The following GTF2I variants were observed in gnomAD, a reference collection of about 807,000 sequenced individuals.
The protein encoded by GTF2I is general transcription factor II-I.
A neutral mutation model predicts 67.6 loss-of-function variants in GTF2I; 12 were observed. The observed-to-expected ratio is 0.18, with a 90% CI of 0.11 to 0.29. The LOEUF is 0.29. Ranked by LOEUF, GTF2I falls within the 10% of genes least tolerant of loss-of-function variation. The pLI, the probability that GTF2I is intolerant of heterozygous loss-of-function variation, is 1.00. For synonymous variants in GTF2I, 149 were observed against 197.0 expected, an observed-to-expected ratio of 0.76 and a Z score of 2.04; for missense variants, 271 against 580.1, an observed-to-expected ratio of 0.47 and a Z score of 5.47.
chr7:74,670,695 A>C (rs1305110727), intron 1 of GTF2I, among the ~76,000 whole-genome samples: 1 of 151,620 alleles, frequency 6.6e-6, no homozygotes, highest in East Asian at 1.9e-4. Flanking sequence ...TTCTCAAAAA[A>C]AAACAAAAAA....
Position 74,683,912 on chromosome 7 carries a change from G to A in GTF2I, c.-5-5212G>A, listed in dbSNP as rs781815177. Among the ~76,000 whole-genome samples the A allele has an allele frequency of 3.9e-4, 59 of 152,030 alleles. 1 individual carries two copies. Among genetic ancestry groups the A allele is most frequent in the Non-Finnish European group, 2.6e-4 (18 of 68,010 alleles). ...CCTAGTTGCATTCCTTATGAGCACA[G>A]AGCAAAATGTCCTCATTTTACCTGG... is the stretch of plus-strand genomic sequence containing the variant. On this transcript the variant is annotated intron_variant, in intron 1 of 34. Transcript: ENST00000573035.
At chr7:74,734,413 A>G (rs1454311081) in intron 16 of GTF2I, among the ~76,000 whole-genome samples, 7 of 149,728 alleles carry the variant, frequency 4.7e-5, no homozygotes, top group African/African-American at 9.8e-5. Context: ...TGTTAGATGT[A>G]TTTTGTTTTG....
chr7:74,707,184 G>T (rs1298167601), intron 8 of GTF2I, among the ~76,000 whole-genome samples: 4 of 152,176 alleles, frequency 2.6e-5, no homozygotes, highest in African/African-American at 9.7e-5. Context: ...TAGAACCGTG[G>T]CACCCAGATG....
chr7:74,710,151 A>T (rs2131392521), intron 8 of GTF2I, among the ~76,000 whole-genome samples: 1 of 152,260 alleles, frequency 6.6e-6, no homozygotes, highest in East Asian at 1.9e-4. Context: ...TGCTTCAGGG[A>T]TGCATACCCT....
chr7:74,678,531 T>G (rs1223694520), intron 1 of GTF2I, among the ~76,000 whole-genome samples: 2 of 152,076 alleles, frequency 1.3e-5, no homozygotes, highest in Non-Finnish European at 2.9e-5. Flanking sequence ...TAGAAATTTG[T>G]GCAGAAGAAA....
chr7:74,670,672 A>G (rs1805371539), intron 1 of GTF2I, among the ~76,000 whole-genome samples: 1 of 150,758 alleles, frequency 6.6e-6, no homozygotes, highest in Non-Finnish European at 1.5e-5. Flanking sequence ...CCTGAACGAC[A>G]GAGTCAGACT....
chr7:74,689,080 A>G (rs1554396150), intron 1 of GTF2I, 44 bp from the exon 2 acceptor site: 7 of 1,159,648 alleles, frequency 6.0e-6, no homozygotes, highest in Non-Finnish European at 6.5e-6. Flanking sequence ...GGTTCAGGAC[A>G]CCAGATTTCT....
intron 1 of GTF2I, among the ~76,000 whole-genome samples, chr7:74,674,967 C>T (rs374211570): frequency 6.6e-6 from 1 of 152,158 alleles, no homozygotes; most frequent in Non-Finnish European, 1.5e-5. Flanking sequence ...ATTCTCCTGC[C>T]TCAGTCTCCC....
intron 8 of GTF2I, among the ~76,000 whole-genome samples, chr7:74,707,963 G>T (rs1584228170): frequency 6.6e-6 from 1 of 151,976 alleles, no homozygotes; most frequent in East Asian, 1.9e-4. Flanking sequence ...GTGCAGCCAG[G>T]AGACAGAAAC....
At chr7:74,661,319 A>G (rs1804468980) in intron 1 of GTF2I, among the ~76,000 whole-genome samples, 1 of 152,068 alleles carries the variant, frequency 6.6e-6, no homozygotes. Context: ...CCCTTTGAGA[A>G]CCATTCACAA....
At chr7:74,713,237 CTA>C (rs1385697730) in intron 9 of GTF2I, among the ~76,000 whole-genome samples, 2 of 152,186 alleles carry the variant, frequency 1.3e-5, no homozygotes, top group South Asian at 4.1e-4. Context: ...TAGAATAAGA[CTA>C]TGTCGTATTT....
chr7:74,662,645 C>G (rs1320130255), intron 1 of GTF2I, among the ~76,000 whole-genome samples: 1 of 149,084 alleles, frequency 6.7e-6, no homozygotes, highest in Admixed American at 6.8e-5. Flanking sequence ...GACTGAGCCT[C>G]CTGAGTAGCT....
intron 9 of GTF2I, among the ~76,000 whole-genome samples, chr7:74,714,043 G>A (rs984875898): frequency 1.3e-5 from 2 of 151,960 alleles, no homozygotes; most frequent in South Asian, 2.1e-4. Context: ...AAACAACTTC[G>A]GATGTTTTCC....
intron 1 of GTF2I, among the ~76,000 whole-genome samples, chr7:74,675,355 T>G (rs930249023): frequency 6.6e-6 from 1 of 152,092 alleles, no homozygotes; most frequent in Non-Finnish European, 1.5e-5. Flanking sequence ...ACGTGGTGTT[T>G]GTCTGTCTGG....
At chr7:74,678,109 C>T (rs1360264062) in intron 1 of GTF2I, among the ~76,000 whole-genome samples, 1 of 151,956 alleles carries the variant, frequency 6.6e-6, no homozygotes, top group Non-Finnish European at 1.5e-5. Context: ...GGCTGGAGTG[C>T]AGTGGTGCCA....
At chr7:74,704,351 C>T (rs1161980653) in intron 6 of GTF2I, among the ~76,000 whole-genome samples, 4 of 151,256 alleles carry the variant, frequency 2.6e-5, no homozygotes, top group African/African-American at 9.7e-5. Flanking sequence ...AGTGCAGTGG[C>T]ATGATCTTGG....
chr7:74,677,305 C>A (rs1805983173), intron 1 of GTF2I, among the ~76,000 whole-genome samples: 2 of 152,104 alleles, frequency 1.3e-5, no homozygotes, highest in Admixed American at 1.3e-4. Context: ...TGAATTTTAA[C>A]TTTTTCTTAC....
chr7:74,675,391 G>C (rs949805202), intron 1 of GTF2I, among the ~76,000 whole-genome samples: 1 of 151,976 alleles, frequency 6.6e-6, no homozygotes, highest in Non-Finnish European at 1.5e-5. Context: ...TTGATGACTT[G>C]GTTACGATGG....
intron 1 of GTF2I, 198 bp from the exon 2 acceptor site, chr7:74,688,924 AAT>A: frequency 2.0e-6 from 1 of 495,602 alleles, no homozygotes; most frequent in Non-Finnish European, 3.6e-6. Context: ...TGGAAATAAC[AAT>A]ATATAGAAAA....
Sources: gnomAD v4.1 joint callset for allele counts (sites outside exome capture counted in the v4.1 genomes callset) on GRCh38, gnomAD v4.1.1 for gene constraint, MANE v1.5 for transcripts, NCBI Gene and HGNC (gene_info 2026-07-23, HGNC 2026-07-21) for gene names.